Variants in SLC4A4 observed in about 807,000 individuals in gnomAD.
SLC4A4 encodes the protein electrogenic sodium bicarbonate cotransporter 1.
In SLC4A4, 27 loss-of-function variants were observed where a neutral mutation model predicts 111.5. The observed-to-expected ratio is 0.24, with a 90% CI of 0.18 to 0.33. SLC4A4 has a LOEUF of 0.33. Among genes scored for constraint, SLC4A4 ranks in the 10% least tolerant of loss-of-function variants. The pLI is 1.00. For missense variants in SLC4A4, 909 were observed against 1,315.5 expected (o/e 0.69, Z 4.78); for synonymous variants, 443 against 463.4 (o/e 0.96, Z 0.57).
chr4:71,108,000 A>G (rs1464724510), intron 2 of SLC4A4, among the ~76,000 whole-genome samples: 1 of 152,142 alleles, frequency 6.6e-6, no homozygotes, highest in African/African-American at 2.4e-5. Flanking sequence ...TGAAGTTATA[A>G]CACTCTAATT....
chr4:71,382,589 A>G (rs1718259803), intron 6 of SLC4A4, among the ~76,000 whole-genome samples: 1 of 152,216 alleles, frequency 6.6e-6, no homozygotes, highest in African/African-American at 2.4e-5. Flanking sequence ...GAGCTTTATT[A>G]AAATGAAATG....
At chr4:71,490,713 G>A (rs1390741724) in intron 15 of SLC4A4, among the ~76,000 whole-genome samples, 2 of 151,756 alleles carry the variant, frequency 1.3e-5, no homozygotes, top group Admixed American at 6.6e-5. Flanking sequence ...CCAGTCTTTC[G>A]TGTATTACCC....
At chr4:71,510,704 T>C (rs1731836944) in intron 16 of SLC4A4, among the ~76,000 whole-genome samples, 1 of 152,206 alleles carries the variant, frequency 6.6e-6, no homozygotes, top group African/African-American at 2.4e-5. Context: ...ATTTAACCCA[T>C]TTACATTCAA....
In SLC4A4 at chr4:71,481,881, T is replaced by C. The variant is rs770627149; in HGVS notation, c.1904-5067T>C. On this transcript the variant is annotated intron_variant, in intron 14 of 25. Coordinates refer to ENST00000264485, the MANE Select transcript of SLC4A4 (RefSeq NM_001098484.3). ...TCTGAAAGCCAGTATGAAACAGAGA[T>C]TGTCCCAGTGGTAATTGGCTACATC... is the stretch of plus-strand genomic sequence containing the variant. 2.0e-5 allele frequency among the ~76,000 whole-genome samples: 3 copies of C among 150,794 alleles called. No individual in the cohort carries two copies. In the Admixed American group the frequency reaches 2.0e-4, roughly 10 times the overall value.
intron 16 of SLC4A4, among the ~76,000 whole-genome samples, chr4:71,517,573 A>C (rs1439555667): frequency 6.6e-6 from 1 of 152,014 alleles, no homozygotes; most frequent in Non-Finnish European, 1.5e-5. Flanking sequence ...GCTTCCTTAA[A>C]ATAATTATTT....
At chr4:71,448,201 T>C (rs999946179) in intron 9 of SLC4A4, among the ~76,000 whole-genome samples, 23 of 150,778 alleles carry the variant, frequency 1.5e-4, no homozygotes, top group Admixed American at 1.2e-3. Flanking sequence ...ATGCCTGTAA[T>C]CCCAGCTACT....
rs573282291 is a variant in SLC4A4 at position 71,386,622 on chromosome 4, A to G, written c.731-10955A>G. ...TGGCTGTATGTATAATCTCATACAT[A>G]TAGGTTTTAAGGTAATTATTGGTCT... On this transcript the variant is annotated intron_variant, in intron 6 of 25. Coordinates refer to ENST00000264485, the MANE Select transcript of SLC4A4 (RefSeq NM_001098484.3). Among the ~76,000 whole-genome samples the G allele has an allele frequency of 6.6e-5, 10 of 152,058 alleles. No individual in the cohort carries two copies. In the East Asian group the frequency reaches 1.9e-3, roughly 29 times the overall value.
At chr4:71,476,359 G>C (rs922088535) in intron 14 of SLC4A4, among the ~76,000 whole-genome samples, 4 of 151,656 alleles carry the variant, frequency 2.6e-5, no homozygotes, top group African/African-American at 9.7e-5. Flanking sequence ...ACAAAAGACT[G>C]GCCTTTCATC....
chr4:71,356,630 C>A (rs990016592), intron 5 of SLC4A4, among the ~76,000 whole-genome samples: 1 of 152,118 alleles, frequency 6.6e-6, no homozygotes, highest in Non-Finnish European at 1.5e-5. Flanking sequence ...TTTCTATACT[C>A]TTTTTAAGTT....
chr4:71,419,519 C>G (rs561355849), intron 7 of SLC4A4, among the ~76,000 whole-genome samples: 4 of 152,252 alleles, frequency 2.6e-5, no homozygotes, highest in Non-Finnish European at 4.4e-5. Context: ...ATATAATCTC[C>G]TGGTGCCCCG....
intron 7 of SLC4A4, 125 bp from the exon 8 acceptor site, chr4:71,440,491 G>A: frequency 9.6e-7 from 1 of 1,037,428 alleles, no homozygotes; most frequent in Non-Finnish European, 1.5e-6. Context: ...ATGTCAATTT[G>A]TAAAAAGGAA....
At chr4:71,456,040 G>A (rs2149083979) in intron 12 of SLC4A4, among the ~76,000 whole-genome samples, 1 of 152,284 alleles carries the variant, frequency 6.6e-6, no homozygotes, top group East Asian at 1.9e-4. Flanking sequence ...CAGTGCTTCA[G>A]GATGTTAAGT....
intron 2 of SLC4A4, among the ~76,000 whole-genome samples, chr4:71,124,811 A>G (rs889115514): frequency 6.6e-6 from 1 of 152,238 alleles, no homozygotes; most frequent in African/African-American, 2.4e-5. Context: ...GGAGATGTGA[A>G]GGACAATCCA....
At position 71,457,486 on chromosome 4, in the gene SLC4A4, T is replaced by G. The variant is rs575842874; in HGVS notation, c.1497+3817T>G. Among the ~76,000 whole-genome samples, 7 of 152,288 alleles carry G rather than the reference T, an allele frequency of 4.6e-5. No individual in the cohort carries two copies. In the South Asian group the frequency reaches 1.5e-3, roughly 32 times the overall value. On this transcript the variant is annotated intron_variant, in intron 12 of 25. Coordinates refer to ENST00000264485, the MANE Select transcript of SLC4A4 (RefSeq NM_001098484.3). Reference sequence around the variant, plus strand: ...GTAACTGAACCACTCAGCCAAGAGTTGACATTACATTCATCTGAGATGCAA... The same window carrying G: ...GTAACTGAACCACTCAGCCAAGAGTGGACATTACATTCATCTGAGATGCAA...
At chr4:71,325,776 G>A (rs1578840811) in intron 3 of SLC4A4, among the ~76,000 whole-genome samples, 1 of 151,864 alleles carries the variant, frequency 6.6e-6, no homozygotes, top group East Asian at 1.9e-4. Context: ...TAAACCAAAT[G>A]GTTATACAAG....
chr4:71,125,094 T>C (rs1328521838), intron 2 of SLC4A4, among the ~76,000 whole-genome samples: 1 of 152,216 alleles, frequency 6.6e-6, no homozygotes, highest in Admixed American at 6.5e-5. Flanking sequence ...TAGCATATTG[T>C]GATATTTTTC....
At chr4:71,342,143 G>A (rs931639020) in intron 4 of SLC4A4, among the ~76,000 whole-genome samples, 2 of 152,062 alleles carry the variant, frequency 1.3e-5, no homozygotes, top group Non-Finnish European at 2.9e-5. Flanking sequence ...TTCTTTTGAA[G>A]CTTTTCATTC....
chr4:71,168,525 C>T (rs1322436882), intron 2 of SLC4A4, among the ~76,000 whole-genome samples: 3 of 152,126 alleles, frequency 2.0e-5, no homozygotes, highest in South Asian at 2.1e-4. Context: ...TATAGTCAAA[C>T]TGTTGTGCTA....
intron 12 of SLC4A4, among the ~76,000 whole-genome samples, chr4:71,454,549 T>A (rs1455905664): frequency 6.7e-6 from 1 of 148,168 alleles, no homozygotes. Context: ...AGCCAGCTTA[T>A]TTTTTTTTTA....
Sources: gnomAD v4.1 joint callset for allele counts (sites outside exome capture counted in the v4.1 genomes callset) on GRCh38, gnomAD v4.1.1 for gene constraint, MANE v1.5 for transcripts, NCBI Gene and HGNC (gene_info 2026-07-23, HGNC 2026-07-21) for gene names.